Variants in TTC6 observed in about 807,000 individuals in gnomAD.
TTC6 encodes tetratricopeptide repeat domain 6.
In TTC6, 172 loss-of-function variants were observed where a neutral mutation model predicts 210.4. The ratio of observed to expected loss-of-function variants is 0.82; its 90% CI spans 0.72 to 0.93. TTC6 has a LOEUF of 0.93. Ranked by LOEUF, TTC6 falls within the 40% of genes least tolerant of loss-of-function variation. The probability of loss-of-function intolerance (pLI) is 0.00; values close to 1 mark genes in which losing one functional copy is unlikely to be tolerated. For missense variants in TTC6, 2,414 were observed against 2,318.1 expected (o/e 1.04, Z -0.85); for synonymous variants, 804 against 819.6 (o/e 0.98, Z 0.32).
At chr14:37,801,637 A>C (rs926531238) in intron 20 of TTC6, among the ~76,000 whole-genome samples, 1 of 152,108 alleles carries the variant, frequency 6.6e-6, no homozygotes, top group Non-Finnish European at 1.5e-5. Flanking sequence ...GGAGAGAGTG[A>C]TGTGGTGAGG....
chr14:37,767,829 C>T (rs61977126), intron 14 of TTC6, among the ~76,000 whole-genome samples: 36,573 of 149,458 alleles, frequency 0.24, 4,789 homozygotes, highest in South Asian at 0.29. Context: ...TCAATTTTGA[C>T]TTTTGTTGCC....
chr14:37,812,294 T>C lies in TTC6; in HGVS notation c.4570-20T>C. The C allele has an allele frequency of 6.2e-7, 1 of 1,606,236 alleles. No homozygotes were observed. Among genetic ancestry groups the C allele is most frequent in the Non-Finnish European group, 8.5e-7 (1 of 1,176,984 alleles). On this transcript the variant is annotated intron_variant, in intron 24 of 30. Coordinates refer to ENST00000553443, the Ensembl canonical transcript of TTC6. ...CAGGCTCTAAAAAGTTGAATCTATG[T>C]TACAAATGATTATTTTTAGGCATTA... is the stretch of plus-strand genomic sequence containing the variant.
exon 5 of TTC6, chr14:37,701,484 C>T (rs1228744095): frequency 6.6e-7 from 1 of 1,519,146 alleles, no homozygotes; most frequent in Admixed American, 2.2e-5. Flanking sequence ...TTTGGAACCT[C>T]TTTCTTAGAT....
At chr14:37,833,672 CT>C (rs541787797) in intron 29 of TTC6, among the ~76,000 whole-genome samples, 121 of 152,102 alleles carry the variant, frequency 8.0e-4, no homozygotes, top group African/African-American at 2.8e-3. Context: ...ATATTTGTTC[CT>C]TTTTTTCTTT....
intron 7 of TTC6, among the ~76,000 whole-genome samples, chr14:37,727,560 T>C (rs1040906579): frequency 6.6e-6 from 1 of 152,022 alleles, no homozygotes; most frequent in African/African-American, 2.4e-5. Flanking sequence ...CCCAAAGTTC[T>C]GGGATTACAG....
chr14:37,725,183 A>G (rs1395493402), intron 7 of TTC6, among the ~76,000 whole-genome samples, 181 bp downstream of exon 9: 1 of 149,762 alleles, frequency 6.7e-6, no homozygotes, highest in Non-Finnish European at 1.5e-5. Context: ...AATTGTATGT[A>G]TGTATACAAA....
intron 20 of TTC6, among the ~76,000 whole-genome samples, chr14:37,801,226 A>G (rs1385928684): frequency 6.6e-6 from 1 of 152,130 alleles, no homozygotes; most frequent in African/African-American, 2.4e-5. Flanking sequence ...GTGTCCCAAG[A>G]GTGGGAGCTG....
intron 2 of TTC6, among the ~76,000 whole-genome samples, chr14:37,609,469 CAGGATT>C (rs1322827536): frequency 1.3e-5 from 2 of 152,138 alleles, no homozygotes; most frequent in African/African-American, 2.4e-5. Flanking sequence ...GTTCCTAGCA[CAGGATT>C]ACTAGCTAGG....
intron 3 of TTC6, among the ~76,000 whole-genome samples, chr14:37,690,598 T>C (rs367550313): frequency 2.6e-5 from 4 of 151,930 alleles, no homozygotes; most frequent in East Asian, 3.9e-4. Context: ...TCAGACAAAA[T>C]AGATTTCAGG....
intron 29 of TTC6, among the ~76,000 whole-genome samples, chr14:37,831,529 C>T (rs1357186102): frequency 6.6e-6 from 1 of 152,160 alleles, no homozygotes; most frequent in African/African-American, 2.4e-5. Flanking sequence ...AATTTACATT[C>T]TCACCGTTAG....
intron 29 of TTC6, chr14:37,837,448 C>T: frequency 2.2e-6 from 1 of 454,442 alleles, no homozygotes; most frequent in Non-Finnish European, 4.4e-6. Flanking sequence ...TCTGTCCCCC[C>T]TCCCCCCAAC....
rs1279728370 is a variant in TTC6, at chr14:37,598,242, C to CGGGGCAGGGTACCCGCG, written c.-235+2235_-235+2251dup. ...CAGCTGTGGGGAGGATGGGTGGACT[C>CGGGGCAGGGTACCCGCG]GGGGCAGGGTACCCGCGAGGGCAGG... On this transcript the variant is annotated intron_variant, in intron 1 of 2. Coordinates refer to the TTC6 transcript ENST00000556845. The surrounding 1 kb of genome is among the most constrained non-coding windows in gnomAD (Gnocchi z 4.9). 1.6e-4 allele frequency among the ~76,000 whole-genome samples: 24 copies of CGGGGCAGGGTACCCGCG among 152,252 alleles called. No individual in the cohort carries two copies. Among genetic ancestry groups the CGGGGCAGGGTACCCGCG allele is most frequent in the Admixed American group, 1.4e-3 (21 of 15,302 alleles).
intron 1 of TTC6, among the ~76,000 whole-genome samples, chr14:37,637,376 C>T (rs1204661835): frequency 3.9e-5 from 6 of 152,150 alleles, no homozygotes; most frequent in Non-Finnish European, 8.8e-5. Context: ...AAATGACAAG[C>T]TGTGGACTGG....
At chr14:37,621,478 T>G (rs770834690), upstream of TTC6, among the ~76,000 whole-genome samples, 3 of 152,096 alleles carry the variant, frequency 2.0e-5, no homozygotes, top group Non-Finnish European at 4.4e-5. Flanking sequence ...GGATGTGGTG[T>G]ACCACATTTG....
At chr14:37,672,778 A>G (rs2138490546) in intron 1 of TTC6, among the ~76,000 whole-genome samples, 1 of 148,144 alleles carries the variant, frequency 6.8e-6, no homozygotes, top group East Asian at 2.0e-4. Context: ...CATTGCATCT[A>G]TTTTTGATGA....
exon 1 of TTC6, chr14:37,622,755 G>C (rs1416110170): frequency 6.5e-7 from 1 of 1,535,052 alleles, no homozygotes; most frequent in Admixed American, 2.0e-5. Flanking sequence ...CAGCAACTTC[G>C]TGAGCGAGAG....
At chr14:37,718,340 A>C (rs1256369057) in intron 6 of TTC6, among the ~76,000 whole-genome samples, 3 of 152,212 alleles carry the variant, frequency 2.0e-5, no homozygotes, top group Non-Finnish European at 4.4e-5. Context: ...TAATCAATGA[A>C]GAGAAAGCAT....
At chr14:37,762,022 C>T (rs1483433316) in intron 14 of TTC6, among the ~76,000 whole-genome samples, 3 of 152,252 alleles carry the variant, frequency 2.0e-5, no homozygotes, top group Middle Eastern at 3.4e-3. Context: ...TTGTTCTACT[C>T]GCTGCCTCTA....
intron 14 of TTC6, among the ~76,000 whole-genome samples, chr14:37,766,438 A>G (rs1302460533): frequency 6.6e-6 from 1 of 152,142 alleles, no homozygotes; most frequent in African/African-American, 2.4e-5. Context: ...TCTAGCTCCT[A>G]CTTATAAGTG....
Sources: gnomAD v4.1 joint callset for allele counts (sites outside exome capture counted in the v4.1 genomes callset) on GRCh38, gnomAD v4.1.1 for gene constraint, Gnocchi (gnomAD v3.1) non-coding constraint, MANE v1.5 for transcripts, NCBI Gene and HGNC (gene_info 2026-07-23, HGNC 2026-07-21) for gene names.